Variants in CEP70 observed in about 807,000 individuals in gnomAD.
CEP70 encodes centrosomal protein 70.
Under a neutral mutation model 90.9 loss-of-function variants are expected in CEP70, and 70 were observed. The ratio of observed to expected loss-of-function variants is 0.77; its 90% CI spans 0.64 to 0.94. The LOEUF is 0.94. Ranked by LOEUF, CEP70 falls within the 40% of genes least tolerant of loss-of-function variation. CEP70 has a pLI of 0.00. For synonymous variants in CEP70, 220 were observed against 228.3 expected, an observed-to-expected ratio of 0.96 and a Z score of 0.33; for missense variants, 648 against 669.0, an observed-to-expected ratio of 0.97 and a Z score of 0.35.
chr3:138,527,676 C>T (rs1481228522), intron 10 of CEP70, among the ~76,000 whole-genome samples: 2 of 134,298 alleles, frequency 1.5e-5, no homozygotes, highest in Non-Finnish European at 3.1e-5. Context: ...GCCTGGGCGA[C>T]AGAGCAAGAC....
intron 7 of CEP70, 41 bp downstream of exon 7, chr3:138,537,137 C>T (rs368619603): frequency 4.4e-6 from 6 of 1,375,372 alleles, no homozygotes; most frequent in Non-Finnish European, 5.8e-6. Context: ...ACAAACACAA[C>T]AATGAATCTA....
Position 138,570,333 on chromosome 3 carries a change from C to T in CEP70, c.450G>A (p.Glu150=). ...QQNKIKDLQK[E]QKTLQVKCQH... Reference sequence around the variant, plus strand: ...AACTCAGTACCTGTAAAGTTTTCTGCTCCTTTTGAAGATCTTTTATTTTAT... The same window carrying T: ...AACTCAGTACCTGTAAAGTTTTCTGTTCCTTTTGAAGATCTTTTATTTTAT... The change falls in exon 6 of 18, where the codon GAG becomes GAA. Residue 150 remains glutamate, a synonymous_variant. Coordinates refer to ENST00000264982, the MANE Select transcript of CEP70 (RefSeq NM_024491.4). The T allele has an allele frequency of 6.3e-7, 1 of 1,580,712 alleles. No individual in the cohort carries two copies. Among genetic ancestry groups the T allele is most frequent in the Non-Finnish European group, 8.6e-7 (1 of 1,168,364 alleles).
chr3:138,522,608 A>C (rs1324949491), intron 11 of CEP70, among the ~76,000 whole-genome samples: 1 of 152,246 alleles, frequency 6.6e-6, no homozygotes, highest in Non-Finnish European at 1.5e-5. Flanking sequence ...CTACGCAAAT[A>C]AACTAGAAAA....
intron 11 of CEP70, among the ~76,000 whole-genome samples, chr3:138,520,230 A>G (rs1042288132): frequency 3.9e-5 from 6 of 152,182 alleles, no homozygotes; most frequent in African/African-American, 1.4e-4. Context: ...ACACAATAAT[A>G]ATGGGAGACT....
intron 6 of CEP70, among the ~76,000 whole-genome samples, chr3:138,566,629 C>A (rs1198098015): frequency 2.0e-5 from 3 of 151,340 alleles, no homozygotes; most frequent in Non-Finnish European, 2.9e-5. Context: ...ATGGACACAG[C>A]AAGGGGAACA....
At chr3:138,500,002 GT>G in intron 16 of CEP70, 107 bp downstream of exon 16, 1 of 760,620 alleles carries the variant, frequency 1.3e-6, no homozygotes, top group South Asian at 1.6e-5. Flanking sequence ...AAACTCCTGG[GT>G]TCAAGTGATC....
intron 6 of CEP70, among the ~76,000 whole-genome samples, chr3:138,544,509 GTGTATGTA>G (rs34978232): frequency 5.8e-4 from 86 of 149,088 alleles, no homozygotes; most frequent in African/African-American, 1.7e-3. Context: ...ACTACAGAGT[GTGTATGTA>G]TGTATGTATG....
chr3:138,570,209 G>T, intron 6 of CEP70, 109 bp downstream of exon 6: 1 of 652,916 alleles, frequency 1.5e-6, no homozygotes, highest in Non-Finnish European at 2.5e-6. Context: ...GCAGTGATAA[G>T]CCAAAAAAGG....
chr3:138,591,778 G>A, intron 2 of CEP70, 76 bp downstream of exon 2: 1 of 1,136,858 alleles, frequency 8.8e-7, no homozygotes, highest in Non-Finnish European at 1.3e-6. Flanking sequence ...AATGAACCTA[G>A]TATAGTACTC....
Position 138,529,372 on chromosome 3 carries a change from T to A in CEP70, c.780+3A>T. On this transcript the variant is annotated splice_donor_region_variant and intron_variant, in intron 9 of 17. Coordinates refer to ENST00000264982, the MANE Select transcript of CEP70 (RefSeq NM_024491.4). ...GTATTTATTAGTTATGCAGTCCCCATACCATTAAAAGGCCTTTATAAGTTG... is the reference window on the plus strand; with the variant it reads ...GTATTTATTAGTTATGCAGTCCCCAAACCATTAAAAGGCCTTTATAAGTTG... 6.3e-7 allele frequency: 1 copy of A among 1,597,938 alleles called. No individual in the cohort carries two copies. Among genetic ancestry groups the A allele is most frequent in the Non-Finnish European group, 8.6e-7 (1 of 1,169,002 alleles).
At chr3:138,497,694 A>G (rs2034074306) in intron 17 of CEP70, 2 of 985,058 alleles carry the variant, frequency 2.0e-6, no homozygotes, top group African/African-American at 3.5e-5. Flanking sequence ...AAAAAAAAGG[A>G]GGGAGGAAGG....
intron 6 of CEP70, among the ~76,000 whole-genome samples, chr3:138,556,569 G>A (rs908744944): frequency 7.5e-5 from 11 of 146,422 alleles, no homozygotes; most frequent in Non-Finnish European, 1.5e-4. Flanking sequence ...CAAGGAACCT[G>A]CCCCCGACAG....
chr3:138,588,482 C>T (rs1295935224), intron 2 of CEP70, among the ~76,000 whole-genome samples: 6 of 152,092 alleles, frequency 3.9e-5, no homozygotes, highest in African/African-American at 1.4e-4. Context: ...CAGCTAGGCA[C>T]ACAAAAAGAT....
chr3:138,569,997 T>A (rs1050495149), intron 6 of CEP70, among the ~76,000 whole-genome samples: 9 of 152,042 alleles, frequency 5.9e-5, no homozygotes, highest in African/African-American at 2.2e-4. Flanking sequence ...AAATTTTGGA[T>A]CCTATGTTAG....
intron 2 of CEP70, among the ~76,000 whole-genome samples, chr3:138,583,380 T>C (rs985085211): frequency 6.6e-6 from 1 of 152,194 alleles, no homozygotes; most frequent in Non-Finnish European, 1.5e-5. Flanking sequence ...AACACCACCC[T>C]TTCATCAGAC....
chr3:138,578,169 G>A (rs2041655420), intron 2 of CEP70, among the ~76,000 whole-genome samples: 1 of 152,220 alleles, frequency 6.6e-6, no homozygotes, highest in Admixed American at 6.5e-5. Context: ...GCAGTCGGTT[G>A]AATCTGTGGA....
chr3:138,504,550 G>C (rs904274835), intron 13 of CEP70, among the ~76,000 whole-genome samples: 3 of 152,036 alleles, frequency 2.0e-5, no homozygotes, highest in African/African-American at 7.2e-5. Flanking sequence ...CACTGTTATT[G>C]AATCACATTT....
Position 138,500,740 on chromosome 3 carries a change from C to G in CEP70, c.1363G>C (p.Glu455Gln). Residue 455 changes from glutamate (E) to glutamine (Q), a missense_variant, in exon 14 of 18, where the codon GAA becomes CAA. Coordinates refer to ENST00000264982, the MANE Select transcript of CEP70 (RefSeq NM_024491.4). ...DTMLEEVENK[E>Q]KDSNMPHFQT... ...ACCGTTCATGTAGGTATTACCTTTT[C>G]CTTATTTTCAACTTCTTCCAGCATA... The G allele has an allele frequency of 6.3e-7, 1 of 1,591,968 alleles. No homozygotes were observed. The highest frequency in any genetic ancestry group is 1.2e-5 in the South Asian group (1 of 86,246).
intron 2 of CEP70, among the ~76,000 whole-genome samples, chr3:138,581,626 C>T (rs2041860520): frequency 6.8e-6 from 1 of 147,038 alleles, no homozygotes; most frequent in African/African-American, 2.6e-5. Flanking sequence ...TCGCCTGAAC[C>T]TGGGAGGTAA....
Sources: allele counts gnomAD v4.1 joint callset (sites outside exome capture counted in the v4.1 genomes callset), GRCh38; gene constraint gnomAD v4.1.1; transcripts MANE v1.5; gene names NCBI Gene and HGNC (gene_info 2026-07-23, HGNC 2026-07-21).